Variants in DYDC2 observed in about 807,000 individuals in gnomAD.
DYDC2 encodes the protein DPY30 domain-containing protein 2.
A neutral mutation model predicts 18.7 loss-of-function variants in DYDC2; 19 were observed. That is an observed-to-expected ratio of 1.02 (90% CI 0.71 to 1.49). The LOEUF is 1.49. Ranked by LOEUF, DYDC2 falls within the 40% of genes most tolerant of loss-of-function variation. The probability of loss-of-function intolerance (pLI) is 0.00; values close to 1 mark genes in which losing one functional copy is unlikely to be tolerated. For synonymous variants in DYDC2, 63 were observed against 67.6 expected (o/e 0.93, Z 0.34); for missense variants, 179 against 205.1 (o/e 0.87, Z 0.78).
At chr10:80,358,801 G>A (rs190359396) in intron 2 of DYDC2, among the ~76,000 whole-genome samples, 20 of 152,300 alleles carry the variant, frequency 1.3e-4, no homozygotes, top group Admixed American at 1.1e-3. Context: ...CTAGAATGAA[G>A]CCGTGGACCC....
upstream of DYDC2, chr10:80,352,296 G>A (rs1843042616): frequency 5.4e-6 from 6 of 1,102,620 alleles, no homozygotes; most frequent in East Asian, 2.8e-5. Context: ...GTCTTCTTTG[G>A]GTAATGTTTT....
intron 4 of DYDC2, among the ~76,000 whole-genome samples, chr10:80,366,078 G>A (rs1843829476): frequency 8.6e-6 from 1 of 116,846 alleles, no homozygotes; most frequent in Non-Finnish European, 1.6e-5. Context: ...TGTCACCCAA[G>A]CTGGAGTGCA....
Position 80,357,849 on chromosome 10 carries a change from G to C in DYDC2, c.-162-44G>C, listed in dbSNP as rs938896005. 6 of 985,476 alleles carry C rather than the reference G, an allele frequency of 6.1e-6. No individual in the cohort carries two copies. In the African/African-American group the frequency reaches 1.0e-4, roughly 17 times the overall value. 61.0% of individuals were successfully genotyped at this position (985,476 alleles called of 1,614,324 possible). A position where few individuals can be genotyped will look rare whatever the true frequency, so the allele number is the denominator to read the frequency against. On this transcript the variant is annotated intron_variant, in intron 1 of 4. Coordinates refer to ENST00000256039, the MANE Select transcript of DYDC2 (RefSeq NM_032372.6). ...AAAATCAAAGGGAAGCATGAGGGCAGGTGGCAGAACTCTCTCAATGAATAA... is the reference window on the plus strand; with the variant it reads ...AAAATCAAAGGGAAGCATGAGGGCACGTGGCAGAACTCTCTCAATGAATAA...
chr10:80,352,845 C>T (rs1408850493), upstream of DYDC2: 2 of 372,360 alleles, frequency 5.4e-6, no homozygotes, highest in African/African-American at 4.2e-5. Context: ...ACTCTCAAGT[C>T]CAAGAGTCAG....
intron 4 of DYDC2, among the ~76,000 whole-genome samples, chr10:80,364,480 A>T (rs2132901135): frequency 6.6e-6 from 1 of 152,342 alleles, no homozygotes; most frequent in East Asian, 1.9e-4. Flanking sequence ...ATATATAAAG[A>T]AGACTCCCAA....
intron 1 of DYDC2, among the ~76,000 whole-genome samples, chr10:80,346,609 C>T (rs1317774941): frequency 5.3e-5 from 8 of 151,520 alleles, no homozygotes; most frequent in African/African-American, 1.5e-4. Context: ...TACAGGCGCC[C>T]GCCACCACGC....
chr10:80,355,691 C>T (rs868243095), upstream of DYDC2, among the ~76,000 whole-genome samples: 25 of 152,064 alleles, frequency 1.6e-4, no homozygotes, highest in Middle Eastern at 0.01. Context: ...ATAAAGAAAA[C>T]GAGGTGCTGA....
upstream of DYDC2, chr10:80,356,467 T>C: frequency 1.0e-6 from 1 of 985,266 alleles, no homozygotes. Flanking sequence ...AGTGTGGTTT[T>C]CCCACCCGGG....
chr10:80,359,842 A>T (rs1333799569), intron 2 of DYDC2, among the ~76,000 whole-genome samples: 1 of 151,998 alleles, frequency 6.6e-6, no homozygotes, highest in East Asian at 1.9e-4. Context: ...CGAGTGCCAC[A>T]CGCGGCCCCA....
chr10:80,366,657 TAAG>T, intron 4 of DYDC2, 28 bp from the exon 5 acceptor site: 1 of 1,570,404 alleles, frequency 6.4e-7, no homozygotes, highest in East Asian at 2.3e-5. Flanking sequence ...TCTCTAATAA[TAAG>T]TTTTCGGCTT....
At chr10:80,365,458 A>C (rs1177159839) in intron 4 of DYDC2, among the ~76,000 whole-genome samples, 3 of 152,254 alleles carry the variant, frequency 2.0e-5, no homozygotes, top group Non-Finnish European at 2.9e-5. Flanking sequence ...TAAACTATAC[A>C]AATGTTTTAG....
intron 4 of DYDC2, among the ~76,000 whole-genome samples, chr10:80,366,175 G>A (rs1041679015): frequency 4.0e-5 from 6 of 151,782 alleles, no homozygotes; most frequent in African/African-American, 1.2e-4. Flanking sequence ...TGGGATTACA[G>A]GCGCCCGCCA....
intron 2 of DYDC2, among the ~76,000 whole-genome samples, chr10:80,361,849 C>T (rs753293083): frequency 5.3e-5 from 8 of 152,234 alleles, no homozygotes; most frequent in South Asian, 2.1e-4. Flanking sequence ...GTTCCAGGCT[C>T]GTTAGGCTTG....
At chr10:80,360,524 G>A (rs1213134856) in intron 2 of DYDC2, among the ~76,000 whole-genome samples, 1 of 152,082 alleles carries the variant, frequency 6.6e-6, no homozygotes, top group Non-Finnish European at 1.5e-5. Context: ...CAGTTACAAA[G>A]TCTCTTTTGC....
upstream of DYDC2, among the ~76,000 whole-genome samples, chr10:80,355,189 A>T (rs563163436): frequency 6.6e-6 from 1 of 151,962 alleles, no homozygotes; most frequent in South Asian, 2.1e-4. Flanking sequence ...CATGGCAATT[A>T]CAGGGGATAG....
intron 2 of DYDC2, among the ~76,000 whole-genome samples, chr10:80,358,977 A>G (rs1014987654): frequency 6.6e-6 from 1 of 152,224 alleles, no homozygotes; most frequent in Non-Finnish European, 1.5e-5. Context: ...GGCAGTGCAG[A>G]CCCAAACAAT....
At chr10:80,360,062 G>A (rs1212429476) in intron 2 of DYDC2, among the ~76,000 whole-genome samples, 5 of 152,234 alleles carry the variant, frequency 3.3e-5, no homozygotes, top group African/African-American at 1.2e-4. Context: ...AATGCTGCTG[G>A]TCATCTGTCG....
chr10:80,347,534 T>C (rs1842743241), intron 1 of DYDC2, among the ~76,000 whole-genome samples: 1 of 152,216 alleles, frequency 6.6e-6, no homozygotes, highest in Non-Finnish European at 1.5e-5. Context: ...AAGACCAATG[T>C]CAAGGAGCTT....
intron 2 of DYDC2, among the ~76,000 whole-genome samples, chr10:80,360,268 C>G (rs1843624879): frequency 6.6e-6 from 1 of 152,154 alleles, no homozygotes; most frequent in African/African-American, 2.4e-5. Context: ...GAGCTAAAAC[C>G]AAAGTGTCAG....
Sources: allele counts gnomAD v4.1 joint callset (sites outside exome capture counted in the v4.1 genomes callset), GRCh38; gene constraint gnomAD v4.1.1; transcripts MANE v1.5; gene names NCBI Gene and HGNC (gene_info 2026-07-23, HGNC 2026-07-21).